The following WWP2 variants were observed in gnomAD, a reference collection of about 807,000 sequenced individuals.
WWP2 encodes the protein WW domain containing E3 ubiquitin protein ligase 2.
In WWP2, 57 loss-of-function variants were observed where a neutral mutation model predicts 121.0. The observed-to-expected ratio is 0.47, with a 90% confidence interval of 0.38 to 0.59. The LOEUF is 0.59. Among genes scored for constraint, WWP2 ranks in the 20% least tolerant of loss-of-function variants. The pLI is 0.00. For missense variants in WWP2, 962 were observed against 1,158.9 expected (o/e 0.83, Z 2.47); for synonymous variants, 449 against 441.3 (o/e 1.02, Z -0.22).
At chr16:69,784,749 T>A (rs377611927) in intron 1 of WWP2, among the ~76,000 whole-genome samples, 2 of 152,106 alleles carry the variant, frequency 1.3e-5, no homozygotes, top group African/African-American at 4.8e-5. Flanking sequence ...GTTGTTTGAA[T>A]TGAGAGCTGA....
intron 8 of WWP2, among the ~76,000 whole-genome samples, chr16:69,893,187 G>A (rs1384559785): frequency 2.6e-5 from 4 of 152,110 alleles, no homozygotes; most frequent in African/African-American, 7.2e-5. Context: ...ACTCCCTCCC[G>A]GATCCCTGGT....
At chr16:69,862,392 T>C (rs1411100104) in intron 6 of WWP2, among the ~76,000 whole-genome samples, 1 of 151,900 alleles carries the variant, frequency 6.6e-6, no homozygotes, top group Non-Finnish European at 1.5e-5. Flanking sequence ...AGATGGAGTC[T>C]CGCTGTGTCA....
At chr16:69,920,914 C>T (rs925845860) in intron 10 of WWP2, among the ~76,000 whole-genome samples, 19 of 152,138 alleles carry the variant, frequency 1.2e-4, no homozygotes, top group Non-Finnish European at 2.6e-4. Context: ...TTCTGGAGCT[C>T]ACATCTGCCT....
chr16:69,826,352 G>A lies in WWP2; in HGVS notation c.341-13774G>A, dbSNP rs143957999. On this transcript the variant is annotated intron_variant, in intron 4 of 23. Transcript: ENST00000359154. ...GGAGGCCGAGGCAGGCAGATCACAA[G>A]GCCAGGAGTACGAGACCAGCTTGGC... 4.8e-3 allele frequency among the ~76,000 whole-genome samples: 732 copies of A among 151,572 alleles called. 5 individuals carry two copies. Among genetic ancestry groups the A allele is most frequent in the African/African-American group, 0.017 (701 of 41,284 alleles).
In WWP2 at chr16:69,763,446, G is replaced by T. The variant is rs910171798; in HGVS notation, c.-16+1055G>T. Among the ~76,000 whole-genome samples, 5 of 152,210 alleles carry T rather than the reference G, an allele frequency of 3.3e-5. No individual in the cohort carries two copies. In the South Asian group the frequency reaches 1.0e-3, roughly 32 times the overall value. The stretch of plus-strand genomic sequence containing the variant: ...AAGCAAAAGGAGTTTCATGAGTGCA[G>T]TGTAACTGGAACGAATGTTCAAACT... On this transcript the variant is annotated intron_variant, in intron 1 of 23. Coordinates refer to ENST00000359154, the MANE Select transcript of WWP2 (RefSeq NM_001270454.2).
chr16:69,895,514 A>G (rs1424019812), intron 8 of WWP2, among the ~76,000 whole-genome samples: 1 of 152,366 alleles, frequency 6.6e-6, no homozygotes, highest in East Asian at 1.9e-4. Context: ...CCTGTAATCT[A>G]GCACTTTGGG....
chr16:69,814,724 G>A (rs1000910812), intron 4 of WWP2, among the ~76,000 whole-genome samples: 1 of 152,182 alleles, frequency 6.6e-6, no homozygotes, highest in African/African-American at 2.4e-5. Flanking sequence ...CCAGTCATGA[G>A]CGGTGGGCCT....
At chr16:69,892,547 T>C (rs919874435) in intron 8 of WWP2, among the ~76,000 whole-genome samples, 1 of 152,222 alleles carries the variant, frequency 6.6e-6, no homozygotes, top group Non-Finnish European at 1.5e-5. Flanking sequence ...AACTTTTCTT[T>C]TTTTGAGACA....
intron 7 of WWP2, among the ~76,000 whole-genome samples, chr16:69,879,661 G>A (rs2057790375): frequency 6.6e-6 from 1 of 152,176 alleles, no homozygotes; most frequent in South Asian, 2.1e-4. Context: ...TTGGCTGTTG[G>A]AATAATGCGG....
At chr16:69,913,022 T>A (rs1474422193) in intron 9 of WWP2, among the ~76,000 whole-genome samples, 9 of 7,126 alleles carry the variant, frequency 1.3e-3, no homozygotes, top group African/African-American at 4.5e-3. Context: ...TTTTTTTTTT[T>A]TTTTTTTTTT....
chr16:69,831,154 C>T (rs918618665), intron 4 of WWP2, among the ~76,000 whole-genome samples: 15 of 152,164 alleles, frequency 9.9e-5, no homozygotes, highest in African/African-American at 3.4e-4. Flanking sequence ...TTAATCCTGG[C>T]GTCCTTGGCC....
At chr16:69,906,849 C>T (rs2058302589) in intron 8 of WWP2, among the ~76,000 whole-genome samples, 1 of 146,992 alleles carries the variant, frequency 6.8e-6, no homozygotes, top group Non-Finnish European at 1.5e-5. Flanking sequence ...CACCACACTC[C>T]AGCTCGGGCA....
At chr16:69,928,468 C>T (rs1172160166) in intron 11 of WWP2, among the ~76,000 whole-genome samples, 5 of 152,124 alleles carry the variant, frequency 3.3e-5, no homozygotes, top group Admixed American at 1.3e-4. Context: ...GCACAGACTC[C>T]TCCCTTGGGG....
chr16:69,938,389 G>A (rs1008579160), intron 21 of WWP2, among the ~76,000 whole-genome samples: 2 of 152,136 alleles, frequency 1.3e-5, no homozygotes, highest in South Asian at 2.1e-4. Flanking sequence ...AGGCCGAGGT[G>A]GGCAGATCAC....
intron 9 of WWP2, among the ~76,000 whole-genome samples, chr16:69,916,961 C>T (rs553101748): frequency 6.6e-6 from 1 of 152,102 alleles, no homozygotes; most frequent in Non-Finnish European, 1.5e-5. Flanking sequence ...TCCAGGAGTT[C>T]GAGACCAGTC....
intron 4 of WWP2, among the ~76,000 whole-genome samples, chr16:69,816,613 C>T (rs1313700360): frequency 6.6e-6 from 1 of 151,652 alleles, no homozygotes; most frequent in Non-Finnish European, 1.5e-5. Context: ...TTATTTCATG[C>T]CTATTACTAA....
At chr16:69,785,970 T>C (rs2055779502) in intron 1 of WWP2, 1 of 151,056 alleles carries the variant, frequency 6.6e-6, no homozygotes, top group African/African-American at 2.4e-5. Context: ...TTTTTCTCTT[T>C]CCTTTTTTTT....
chr16:69,843,532 T>G (rs1198207319), intron 6 of WWP2, among the ~76,000 whole-genome samples: 1 of 152,098 alleles, frequency 6.6e-6, no homozygotes, highest in East Asian at 1.9e-4. Flanking sequence ...TTGTAAATCT[T>G]TATCACTTGC....
At chr16:69,873,626 T>C (rs1452440126) in intron 7 of WWP2, among the ~76,000 whole-genome samples, 1 of 152,240 alleles carries the variant, frequency 6.6e-6, no homozygotes, top group African/African-American at 2.4e-5. Flanking sequence ...AGCCATAGTA[T>C]AGAGAACCAT....
Sources: allele counts gnomAD v4.1 joint callset (sites outside exome capture counted in the v4.1 genomes callset), GRCh38; gene constraint gnomAD v4.1.1; transcripts MANE v1.5; gene names NCBI Gene and HGNC (gene_info 2026-07-23, HGNC 2026-07-21).